Variants in ADK observed in about 807,000 individuals in gnomAD.
ADK encodes the protein N6,N6-dimethyladenosine kinase.
A neutral mutation model predicts 44.7 loss-of-function variants in ADK; 24 were observed. The ratio of observed to expected loss-of-function variants is 0.54; its 90% CI spans 0.39 to 0.76. The LOEUF (loss-of-function observed/expected upper bound fraction) is 0.76. ADK is among the 30% of genes least tolerant of loss of function. The pLI, the probability that ADK is intolerant of heterozygous loss-of-function variation, is 0.00. For missense variants in ADK, 321 were observed against 425.1 expected (o/e 0.76, Z 2.15); for synonymous variants, 128 against 142.6 (o/e 0.90, Z 0.73).
chr10:74,254,608 TA>T (rs896021406), intron 3 of ADK, among the ~76,000 whole-genome samples: 15 of 148,238 alleles, frequency 1.0e-4, no homozygotes, highest in South Asian at 2.1e-4. Flanking sequence ...AGTTGACAGT[TA>T]AAAAAAAAAG....
chr10:74,562,766 G>A (rs1850507349), intron 7 of ADK, among the ~76,000 whole-genome samples: 1 of 152,146 alleles, frequency 6.6e-6, no homozygotes, highest in South Asian at 2.1e-4. Flanking sequence ...ATAAATGCCT[G>A]CTTTGGCAAA....
intron 4 of ADK, among the ~76,000 whole-genome samples, chr10:74,342,779 TTGTGTGTGTGTGTG>T (rs757212421): frequency 2.1e-5 from 3 of 141,424 alleles, no homozygotes; most frequent in Non-Finnish European, 3.1e-5. Context: ...CTAGCTCAGT[TTGTGTGTGTGTGTG>T]TGTGTGTGTG....
chr10:74,403,981 C>T (rs1373260622), intron 6 of ADK, among the ~76,000 whole-genome samples: 1 of 152,154 alleles, frequency 6.6e-6, no homozygotes, highest in Non-Finnish European at 1.5e-5. Context: ...ACACCATTCT[C>T]CTTGCCTTAG....
chr10:74,284,788 C>A (rs1847095216), intron 3 of ADK, among the ~76,000 whole-genome samples: 1 of 152,204 alleles, frequency 6.6e-6, no homozygotes, highest in Non-Finnish European at 1.5e-5. Context: ...AAAAGTGATT[C>A]TCTTCTGAGG....
chr10:74,536,410 G>GCTAT (rs1822252171), intron 7 of ADK, among the ~76,000 whole-genome samples: 1 of 151,550 alleles, frequency 6.6e-6, no homozygotes, highest in African/African-American at 2.4e-5. Flanking sequence ...TAATACCATT[G>GCTAT]CTATGTTCTT....
intron 9 of ADK, among the ~76,000 whole-genome samples, chr10:74,635,661 G>A (rs918187406): frequency 1.5e-4 from 23 of 152,216 alleles, no homozygotes; most frequent in Admixed American, 8.5e-4. Context: ...CTACATTAAG[G>A]TAGTACGTTG....
intron 2 of ADK, among the ~76,000 whole-genome samples, chr10:74,208,983 C>T (rs909842756): frequency 6.6e-6 from 1 of 152,126 alleles, no homozygotes; most frequent in Non-Finnish European, 1.5e-5. Flanking sequence ...GTGATCTGCC[C>T]ACCTCGGTCT....
At chr10:74,622,075 G>A (rs1472935919) in intron 9 of ADK, among the ~76,000 whole-genome samples, 1 of 152,136 alleles carries the variant, frequency 6.6e-6, no homozygotes, top group Admixed American at 6.5e-5. Context: ...GACAAGTGTG[G>A]CAAATACCTT....
At chr10:74,183,943 G>A (rs1011181365) in intron 1 of ADK, among the ~76,000 whole-genome samples, 2 of 151,446 alleles carry the variant, frequency 1.3e-5, no homozygotes, top group African/African-American at 4.9e-5. Context: ...TCGAGACAGA[G>A]TCTCGCTCTG....
In ADK at chr10:74,278,011, TG is replaced by T. The variant is rs555562617; in HGVS notation, c.195-36655del. On this transcript the variant is annotated intron_variant, in intron 3 of 10. Transcript: ENST00000539909. Reference sequence around the variant, plus strand: ...ATTATTATTTCCTGAATATAATCTTTGTTTATTTATATGCTTGACTGGTCAG... The same window carrying T: ...ATTATTATTTCCTGAATATAATCTTTTTTATTTATATGCTTGACTGGTCAG... Among the ~76,000 whole-genome samples the T allele has an allele frequency of 9.4e-4, 143 of 152,264 alleles. No homozygotes were observed. The Middle Eastern group carries it at 0.014, about 14-fold the overall frequency.
chr10:74,159,735 G>A (rs1458079508), intron 1 of ADK, among the ~76,000 whole-genome samples: 1 of 152,132 alleles, frequency 6.6e-6, no homozygotes, highest in Non-Finnish European at 1.5e-5. Flanking sequence ...TGGGATTACA[G>A]GCATGCACCA....
At chr10:74,463,744 ACTTGT>A (rs1258248303) in intron 6 of ADK, among the ~76,000 whole-genome samples, 1 of 152,090 alleles carries the variant, frequency 6.6e-6, no homozygotes, top group Non-Finnish European at 1.5e-5. Context: ...CTAAAAACAA[ACTTGT>A]CTTGTGCAGA....
At chr10:74,241,509 C>T (rs963221456) in intron 3 of ADK, among the ~76,000 whole-genome samples, 4 of 152,030 alleles carry the variant, frequency 2.6e-5, no homozygotes, top group Non-Finnish European at 4.4e-5. Flanking sequence ...TCTCAGCCTC[C>T]TGAGTAGCTG....
chr10:74,350,320 G>C (rs928706910), intron 4 of ADK, among the ~76,000 whole-genome samples: 5 of 151,946 alleles, frequency 3.3e-5, no homozygotes, highest in Admixed American at 6.6e-5. Context: ...ATGAATATTG[G>C]GTAAATAATG....
rs548382418 is a variant in ADK, at chr10:74,247,900, A to G, written c.194+23309A>G. ...TGGGCATTTATGGCAGCCCACCTAC[A>G]GAAGAACAAGTGTTCTGTTTTAAAA... On this transcript the variant is annotated intron_variant, in intron 3 of 10. Coordinates refer to ENST00000539909, the MANE Select transcript of ADK (RefSeq NM_006721.4). 5.1e-3 allele frequency among the ~76,000 whole-genome samples: 771 copies of G among 152,284 alleles called. 2 individuals carry two copies. The highest frequency in any genetic ancestry group is 8.1e-3 in the Non-Finnish European group (552 of 68,022).
chr10:74,371,366 A>G (rs1842652066), intron 4 of ADK, among the ~76,000 whole-genome samples: 1 of 152,244 alleles, frequency 6.6e-6, no homozygotes, highest in African/African-American at 2.4e-5. Flanking sequence ...GGAAATAGTA[A>G]AACTGTATCT....
At chr10:74,565,128 T>C (rs1850609970) in intron 7 of ADK, among the ~76,000 whole-genome samples, 1 of 152,208 alleles carries the variant, frequency 6.6e-6, no homozygotes, top group Non-Finnish European at 1.5e-5. Flanking sequence ...TCTGGGACTG[T>C]AAATTATTCA....
At chr10:74,225,109 G>A (rs1490064544) in intron 3 of ADK, among the ~76,000 whole-genome samples, 1 of 152,110 alleles carries the variant, frequency 6.6e-6, no homozygotes, top group Non-Finnish European at 1.5e-5. Flanking sequence ...TTTTGAAACA[G>A]AGTCTTGTTC....
At chr10:74,538,122 G>A (rs564454682) in intron 7 of ADK, among the ~76,000 whole-genome samples, 35 of 152,202 alleles carry the variant, frequency 2.3e-4, no homozygotes, top group African/African-American at 7.7e-4. Context: ...GGGTGTGGTG[G>A]CACGCGCCTA....
Sources: allele counts gnomAD v4.1 joint callset (sites outside exome capture counted in the v4.1 genomes callset), GRCh38; gene constraint gnomAD v4.1.1; transcripts MANE v1.5; gene names NCBI Gene and HGNC (gene_info 2026-07-23, HGNC 2026-07-21).